The following GARS1 variants were observed in gnomAD, a reference collection of about 807,000 sequenced individuals.
GARS1 encodes the protein glycyl-tRNA synthetase 1, also known as glycine--tRNA ligase.
GARS1 carries 46 observed loss-of-function variants against 86.4 expected under a neutral mutation model. The observed-to-expected ratio is 0.53, with a 90% CI of 0.42 to 0.68. The LOEUF is 0.68. GARS1 is among the 30% of genes least tolerant of loss of function. The pLI, the probability that GARS1 is intolerant of heterozygous loss-of-function variation, is 0.00. For synonymous variants in GARS1, 342 were observed against 329.8 expected (o/e 1.04, Z -0.40); for missense variants, 797 against 915.6 (o/e 0.87, Z 1.67).
At chr7:30,631,032 T>G (rs1440198887) in intron 14 of GARS1, 1 of 188,412 alleles carries the variant, frequency 5.3e-6, no homozygotes, top group African/African-American at 2.4e-5. Context: ...TTTGGGTCAC[T>G]GCCACTTGTT....
At position 30,600,562 on chromosome 7, in the gene GARS1, G is replaced by A. The variant is rs189354533; in HGVS notation, c.428-497G>A. Among the ~76,000 whole-genome samples the A allele has an allele frequency of 1.5e-4, 23 of 152,330 alleles. No individual in the cohort carries two copies. In the East Asian group the frequency reaches 4.2e-3, roughly 28 times the overall value. On this transcript the variant is annotated intron_variant, in intron 3 of 16. Coordinates refer to ENST00000389266, the MANE Select transcript of GARS1 (RefSeq NM_002047.4). ...GAAATGTAAAACTATATTTTTCATA[G>A]TCAACGGATTATTACAACAACATTA...
At chr7:30,594,789 G>A, upstream of GARS1, 1 of 746,572 alleles carries the variant, frequency 1.3e-6, no homozygotes, top group Non-Finnish European at 2.1e-6. Context: ...ACCCGGCGCC[G>A]CGTCACGCGG....
At chr7:30,623,881 A>G (rs999797879) in intron 12 of GARS1, among the ~76,000 whole-genome samples, 1 of 152,220 alleles carries the variant, frequency 6.6e-6, no homozygotes, top group Non-Finnish European at 1.5e-5. Flanking sequence ...ATTAGAATTC[A>G]TATCAAAAAC....
At chr7:30,623,612 C>G (rs992987299) in intron 12 of GARS1, among the ~76,000 whole-genome samples, 6 of 152,032 alleles carry the variant, frequency 3.9e-5, no homozygotes, top group Non-Finnish European at 8.8e-5. Flanking sequence ...ATCAGGCAGT[C>G]TAATGCATGT....
At chr7:30,603,314 A>AT (rs1791417997) in intron 5 of GARS1, among the ~76,000 whole-genome samples, 182 bp from the exon 6 acceptor site, 1 of 152,224 alleles carries the variant, frequency 6.6e-6, no homozygotes, top group Non-Finnish European at 1.5e-5. Flanking sequence ...TATACAGATA[A>AT]TTTTTCTAAT....
chr7:30,601,225 G>A (rs771420365), intron 4 of GARS1, 25 bp downstream of exon 4: 9 of 1,604,070 alleles, frequency 5.6e-6, no homozygotes, highest in Non-Finnish European at 7.7e-6. Context: ...TGGAGTGGGG[G>A]TATCCTACTT....
At chr7:30,601,260 T>C in intron 4 of GARS1, 60 bp downstream of exon 4, 2 of 1,361,972 alleles carry the variant, frequency 1.5e-6, no homozygotes, top group Non-Finnish European at 2.0e-6. Flanking sequence ...TATTAAATTA[T>C]TTAATATACT....
intron 12 of GARS1, 69 bp from the exon 13 acceptor site, chr7:30,626,165 A>G: frequency 1.1e-6 from 1 of 917,158 alleles, no homozygotes; most frequent in Admixed American, 1.9e-5. Context: ...GCAATCTACA[A>G]AATTCCTTTA....
rs546240944 is a variant in GARS1 at position 30,606,510 on chromosome 7, G to A, written c.735+2938G>A. On this transcript the variant is annotated intron_variant, in intron 6 of 16. Coordinates refer to ENST00000389266, the MANE Select transcript of GARS1 (RefSeq NM_002047.4). Reference sequence around the variant, plus strand: ...TGCACGAGTTCCTGCCTGCCTTTTCGTTTTTTCCTCCTACTGTTGTGAACT... The same window carrying A: ...TGCACGAGTTCCTGCCTGCCTTTTCATTTTTTCCTCCTACTGTTGTGAACT... Among the ~76,000 whole-genome samples the A allele has an allele frequency of 4.6e-5, 7 of 152,038 alleles. No homozygotes were observed. In the South Asian group the frequency reaches 6.2e-4, roughly 14 times the overall value.
intron 7 of GARS1, 27 bp downstream of exon 7, chr7:30,609,757 T>C (rs1361470722): frequency 6.2e-7 from 1 of 1,610,766 alleles, no homozygotes; most frequent in African/African-American, 1.3e-5. Context: ...GTTTACCTGT[T>C]TATGTAATGA....
At chr7:30,614,190 G>A (rs1484129147) in intron 8 of GARS1, 1 of 151,936 alleles carries the variant, frequency 6.6e-6, no homozygotes, top group Non-Finnish European at 1.5e-5. Context: ...GATTACCACA[G>A]TCAAGCTAAT....
chr7:30,609,146 T>C (rs1445780978), intron 6 of GARS1, among the ~76,000 whole-genome samples: 1 of 152,186 alleles, frequency 6.6e-6, no homozygotes, highest in African/African-American at 2.4e-5. Flanking sequence ...ATTTAATTAC[T>C]CCATTGAGGA....
At position 30,594,988 on chromosome 7, in the gene GARS1, C is replaced by T. The variant is rs780383773; in HGVS notation, c.67C>T (p.Arg23Trp). Residue 23 changes from arginine to tryptophan, a missense_variant, in exon 1 of 17, where the codon CGG becomes TGG. Arg to Trp is a moderately radical substitution (Grantham distance 101). Transcript: ENST00000389266. Reference protein sequence around the residue: ...RAALLLLLPPRLLARPSLLLR... With the variant: ...RAALLLLLPPWLLARPSLLLR... ...CGCTCTGCTGCTGCTGCTGCCGCCC[C>T]GGCTCTTAGCCCGACCCTCGCTCCT... The T allele has an allele frequency of 1.9e-6, 3 of 1,593,532 alleles. No homozygotes were observed. Among genetic ancestry groups the T allele is most frequent in the African/African-American group, 1.3e-5 (1 of 74,922 alleles).
At position 30,603,579 on chromosome 7, in the gene GARS1, A is replaced by G; in HGVS notation, c.735+7A>G. The G allele has an allele frequency of 6.2e-7, 1 of 1,604,376 alleles. No homozygotes were observed. The highest frequency in any genetic ancestry group is 8.5e-7 in the Non-Finnish European group (1 of 1,171,754). On this transcript the variant is annotated splice_region_variant and intron_variant, in intron 6 of 16. Coordinates refer to ENST00000389266, the MANE Select transcript of GARS1 (RefSeq NM_002047.4). The stretch of plus-strand genomic sequence containing the variant: ...GGAAAGTGTTTTGGCCCAGGTGAGT[A>G]CTCTAGAGATGTTATCAGAGTAACC...
In GARS1 at chr7:30,603,576, A is replaced by G; in HGVS notation, c.735+4A>G. The G allele has an allele frequency of 2.5e-6, 4 of 1,606,542 alleles. No individual in the cohort carries two copies. The highest frequency in any genetic ancestry group is 3.4e-6 in the Non-Finnish European group (4 of 1,173,562). On this transcript the variant is annotated splice_donor_region_variant and intron_variant, in intron 6 of 16. Transcript: ENST00000389266. ...AATGGAAAGTGTTTTGGCCCAGGTG[A>G]GTACTCTAGAGATGTTATCAGAGTA...
chr7:30,614,514 G>A (rs6945475), intron 8 of GARS1, among the ~76,000 whole-genome samples: 5,771 of 152,196 alleles, frequency 0.038, 367 homozygotes, highest in African/African-American at 0.13. Flanking sequence ...CCTAGTTGTT[G>A]AAAGACAACT....
chr7:30,631,105 A>T (rs1018846654), intron 14 of GARS1: 36 of 278,930 alleles, frequency 1.3e-4, no homozygotes, highest in African/African-American at 7.0e-4. Context: ...ACCGTCTTTT[A>T]TATACAGTAG....
At chr7:30,599,383 T>C (rs1182950798) in intron 2 of GARS1, among the ~76,000 whole-genome samples, 3 of 152,210 alleles carry the variant, frequency 2.0e-5, no homozygotes, top group African/African-American at 2.4e-5. Context: ...TGCTTATCAG[T>C]ATCTACATCA....
intron 8 of GARS1, 96 bp downstream of exon 8, chr7:30,612,341 C>A: frequency 9.0e-6 from 10 of 1,107,216 alleles, no homozygotes; most frequent in Non-Finnish European, 1.2e-5. Context: ...CTTCATAATC[C>A]TGATTATGAA....
Sources: gnomAD v4.1 joint callset for allele counts (sites outside exome capture counted in the v4.1 genomes callset) on GRCh38, gnomAD v4.1.1 for gene constraint, MANE v1.5 for transcripts, NCBI Gene and HGNC (gene_info 2026-07-23, HGNC 2026-07-21) for gene names.